INA: variants seen among roughly 807,000 people sequenced by gnomAD.
INA encodes alpha-internexin.
In INA, 35 loss-of-function variants were observed where a neutral mutation model predicts 40.1. The observed-to-expected ratio is 0.87, with a 90% CI of 0.67 to 1.16. The LOEUF (loss-of-function observed/expected upper bound fraction) is 1.16. Among genes scored for constraint, INA ranks in the 50% most tolerant of loss-of-function variants. INA has a pLI of 0.00. For synonymous variants in INA, 290 were observed against 316.9 expected, an observed-to-expected ratio of 0.92 and a Z score of 0.90; for missense variants, 594 against 686.7, an observed-to-expected ratio of 0.87 and a Z score of 1.51.
chr10:103,287,184 G>A (rs755089935), intron 2 of INA, 25 bp downstream of exon 2: 61 of 1,606,450 alleles, frequency 3.8e-5, no homozygotes, highest in Non-Finnish European at 4.7e-5. Context: ...CTGCTTACCC[G>A]AGTAAATCCA....
At chr10:103,280,008 A>T (rs1467508547) in intron 1 of INA, 1 of 1,287,072 alleles carries the variant, frequency 7.8e-7, no homozygotes, top group Non-Finnish European at 1.0e-6. Context: ...AAAAAAGGAT[A>T]ACTTACTCAG....
chr10:103,280,705 AG>A, intron 1 of INA: 1 of 985,472 alleles, frequency 1.0e-6, no homozygotes. Flanking sequence ...TGACACAGTA[AG>A]TACACAATAG....
chr10:103,277,175 G>C lies in INA; in HGVS notation c.-37G>C. ...GCACCTCTCCTTTCTTCTGTAGCTCGCGTTGAAGCCGCACGTCCGGCCCCG... is the reference window on the plus strand; with the variant it reads ...GCACCTCTCCTTTCTTCTGTAGCTCCCGTTGAAGCCGCACGTCCGGCCCCG... On this transcript the variant is annotated 5_prime_UTR_variant, in exon 1 of 3. Transcript: ENST00000369849. This position sits in a 1 kb window ranked among gnomAD's most constrained non-coding sequence, Gnocchi z 5.6. 1 of 1,535,920 alleles carries C rather than the reference G, an allele frequency of 6.5e-7. No individual in the cohort carries two copies. Among genetic ancestry groups the C allele is most frequent in the Non-Finnish European group, 8.7e-7 (1 of 1,147,726 alleles).
intron 2 of INA, among the ~76,000 whole-genome samples, chr10:103,287,565 T>C (rs7922273): frequency 0.018 from 2,702 of 151,890 alleles, 87 homozygotes; most frequent in African/African-American, 0.058. Flanking sequence ...TGAAACCCAG[T>C]CTCTACTAAA....
At position 103,277,791 on chromosome 10, in the gene INA, C is replaced by G. The variant is rs2133530568; in HGVS notation, c.580C>G (p.Arg194Gly). Residue 194 changes from arginine to glycine, a missense_variant, in exon 1 of 3, where the codon CGC becomes GGC. Coordinates refer to ENST00000369849, the MANE Select transcript of INA (RefSeq NM_032727.4). The surrounding 1 kb of genome is among the most constrained non-coding windows in gnomAD (Gnocchi z 5.6). ...EESRGREGAE[R>G]ALKAQQRDVD... ...GAGCCGCGGACGCGAAGGCGCCGAGCGCGCCCTGAAGGCGCAGCAGCGCGA... is the reference window on the plus strand; with the variant it reads ...GAGCCGCGGACGCGAAGGCGCCGAGGGCGCCCTGAAGGCGCAGCAGCGCGA... 1.3e-6 allele frequency: 2 copies of G among 1,515,526 alleles called. No individual in the cohort carries two copies. Among genetic ancestry groups the G allele is most frequent in the Non-Finnish European group, 1.8e-6 (2 of 1,138,482 alleles). The allele number at this position is 1,515,526 out of a possible 1,614,324, so 93.9% of individuals were successfully genotyped here. A position where few individuals can be genotyped will look rare whatever the true frequency, so the allele number is the denominator to read the frequency against.
At position 103,288,760 on chromosome 10, in the gene INA, CCACTATAAAATGTCTT is replaced by C; in HGVS notation, c.*94_*109del. 1.3e-6 allele frequency: 1 copy of C among 786,216 alleles called. No individual in the cohort carries two copies. The highest frequency in any genetic ancestry group is 2.0e-6 in the Non-Finnish European group (1 of 492,444). The allele number at this position is 786,216 out of a possible 1,614,324, so 48.7% of individuals were successfully genotyped here. On this transcript the variant is annotated 3_prime_UTR_variant, in exon 3 of 3. Coordinates refer to ENST00000369849, the MANE Select transcript of INA (RefSeq NM_032727.4). ...TATTCCTGAACTATAACACCTGCCA[CCACTATAAAATGTCTT>C]CAAGGCTTCAGTCTCATATTTAGTA...
intron 1 of INA, among the ~76,000 whole-genome samples, chr10:103,285,430 G>A (rs1387414785): frequency 6.6e-6 from 1 of 151,336 alleles, no homozygotes; most frequent in South Asian, 2.1e-4. Flanking sequence ...CAAGTAGGTG[G>A]GATTACAGGC....
chr10:103,283,397 A>C (rs1344464916), intron 1 of INA, among the ~76,000 whole-genome samples: 1 of 152,190 alleles, frequency 6.6e-6, no homozygotes, highest in Non-Finnish European at 1.5e-5. Context: ...CTATCAGGTA[A>C]AATTTCTTGG....
rs1042523697 is a variant in INA at position 103,278,668 on chromosome 10, C to T, written c.1065+392C>T. ...TCGGCTATCTGGCTTGTTTGGTTGA[C>T]TTTGAAAAGCTTTCTGTGCGCCCTA... On this transcript the variant is annotated intron_variant, in intron 1 of 2. Transcript: ENST00000369849. The surrounding 1 kb of genome is among the most constrained non-coding windows in gnomAD (Gnocchi z 4.9). Among the ~76,000 whole-genome samples the T allele has an allele frequency of 7.2e-5, 11 of 152,128 alleles. No individual in the cohort carries two copies. The highest frequency in any genetic ancestry group is 6.6e-4 in the Admixed American group (10 of 15,266).
rs2093094545 is a variant in INA, at chr10:103,289,405, T to C, written c.*736T>C. On this transcript the variant is annotated 3_prime_UTR_variant, in exon 3 of 3. Transcript: ENST00000369849. ...GGTTAAAAAAATGGCAGTGATGAATTTTAAGGGTTTCCCCCAACATATAAA... is the reference window on the plus strand; with the variant it reads ...GGTTAAAAAAATGGCAGTGATGAATCTTAAGGGTTTCCCCCAACATATAAA... 6.6e-6 allele frequency: 1 copy of C among 152,638 alleles called. No individual in the cohort carries two copies. The highest frequency in any genetic ancestry group is 2.4e-5 in the African/African-American group (1 of 41,452). 9.5% of individuals were successfully genotyped at this position (152,638 alleles called of 1,614,324 possible). A position where few individuals can be genotyped will look rare whatever the true frequency, so the allele number is the denominator to read the frequency against.
At position 103,287,172 on chromosome 10, in the gene INA, A is replaced by T. The variant is rs1356380717; in HGVS notation, c.1190+13A>T. The T allele has an allele frequency of 6.2e-7, 1 of 1,610,716 alleles. No homozygotes were observed. Among genetic ancestry groups the T allele is most frequent in the African/African-American group, 1.3e-5 (1 of 74,974 alleles). ...TAGCAGCTTACAGGTACTGCAAAGGACCTGCTTACCCGAGTAAATCCAGTC... is the reference window on the plus strand; with the variant it reads ...TAGCAGCTTACAGGTACTGCAAAGGTCCTGCTTACCCGAGTAAATCCAGTC... On this transcript the variant is annotated intron_variant, in intron 2 of 2. Coordinates refer to ENST00000369849, the MANE Select transcript of INA (RefSeq NM_032727.4).
intron 1 of INA, among the ~76,000 whole-genome samples, chr10:103,283,632 A>T (rs2093077479): frequency 6.6e-6 from 1 of 151,860 alleles, no homozygotes; most frequent in Admixed American, 6.6e-5. Flanking sequence ...GTACCCCCTG[A>T]TGTCTCAGCC....
At chr10:103,281,992 AGATCTC>A (rs2093073835) in intron 1 of INA, among the ~76,000 whole-genome samples, 1 of 152,232 alleles carries the variant, frequency 6.6e-6, no homozygotes, top group Non-Finnish European at 1.5e-5. Flanking sequence ...CGCTCTGCTC[AGATCTC>A]GAGCTGGAGG....
At chr10:103,284,131 G>A (rs780242627) in intron 1 of INA, among the ~76,000 whole-genome samples, 9 of 149,476 alleles carry the variant, frequency 6.0e-5, no homozygotes, top group South Asian at 2.1e-4. Flanking sequence ...TTTTTAAGAC[G>A]GGGTCTTGCT....
rs955609904 is a variant in INA, at chr10:103,278,039, C to T, written c.828C>T (p.Ala276=). Residue 276 remains alanine (A), a synonymous_variant, in exon 1 of 3, where the codon GCC becomes GCT. Transcript: ENST00000369849. This position sits in a 1 kb window ranked among gnomAD's most constrained non-coding sequence, Gnocchi z 4.9. ...TCCGCGCCCAGTATGAGTCCCTGGC[C>T]GCTAAGAACCTGCAGTCCGCGGAAG... ...REIRAQYESL[A]AKNLQSAEEW... 5 of 1,612,712 alleles carry T rather than the reference C, an allele frequency of 3.1e-6. No homozygotes were observed. The highest frequency in any genetic ancestry group is 4.2e-6 in the Non-Finnish European group (5 of 1,179,550).
chr10:103,278,055 T>TC lies in INA; in HGVS notation c.846dup (p.Ala283ArgfsTer75). ...GTCCCTGGCCGCTAAGAACCTGCAG[T>TC]CCGCGGAAGAATGGTACAAGTCCAA... On this transcript the variant is annotated frameshift_variant, in exon 1 of 3. Coordinates refer to ENST00000369849, the MANE Select transcript of INA (RefSeq NM_032727.4). LOFTEE classifies it high-confidence loss of function. This position sits in a 1 kb window ranked among gnomAD's most constrained non-coding sequence, Gnocchi z 4.9. 6.2e-7 allele frequency: 1 copy of TC among 1,613,428 alleles called. No homozygotes were observed. The highest frequency in any genetic ancestry group is 8.5e-7 in the Non-Finnish European group (1 of 1,179,844).
intron 2 of INA, 116 bp downstream of exon 2, chr10:103,287,275 C>A: frequency 8.8e-7 from 1 of 1,134,446 alleles, no homozygotes; most frequent in Non-Finnish European, 1.2e-6. Context: ...AGAAGGGCAT[C>A]ACTGGCCCCT....
chr10:103,282,139 G>T lies in INA; in HGVS notation c.1065+3863G>T, dbSNP rs1196538391. Among the ~76,000 whole-genome samples, 4 of 152,246 alleles carry T rather than the reference G, an allele frequency of 2.6e-5. No homozygotes were observed. The South Asian group carries it at 6.2e-4, about 24-fold the overall frequency. ...CACAGCACACTTCCTTCTGAAAGGA[G>T]CAAAGTTGTGCTTTTCTCTACAGTG... is the stretch of plus-strand genomic sequence containing the variant. On this transcript the variant is annotated intron_variant, in intron 1 of 2. Transcript: ENST00000369849.
At chr10:103,280,728 G>A (rs2093070858) in intron 1 of INA, 1 of 985,358 alleles carries the variant, frequency 1.0e-6, no homozygotes, top group Non-Finnish European at 1.2e-6. Context: ...GGATGAGAGA[G>A]TCTGAATCAG....
Sources: gnomAD v4.1 joint callset for allele counts (sites outside exome capture counted in the v4.1 genomes callset) on GRCh38, gnomAD v4.1.1 for gene constraint, Gnocchi (gnomAD v3.1) non-coding constraint, MANE v1.5 for transcripts, NCBI Gene and HGNC (gene_info 2026-07-23, HGNC 2026-07-21) for gene names.